The following MYO1H variants were observed in gnomAD, a reference collection of about 807,000 sequenced individuals.
MYO1H encodes unconventional myosin-Ih.
A neutral mutation model predicts 149.3 loss-of-function variants in MYO1H; 118 were observed. That is an observed-to-expected ratio of 0.79 (90% CI 0.68 to 0.92). The LOEUF is 0.92. MYO1H is among the 40% of genes least tolerant of loss of function. The probability of loss-of-function intolerance (pLI) is 0.00; values close to 1 mark genes in which losing one functional copy is unlikely to be tolerated. For synonymous variants in MYO1H, 447 were observed against 465.2 expected, an observed-to-expected ratio of 0.96 and a Z score of 0.50; for missense variants, 1,212 against 1,280.7, an observed-to-expected ratio of 0.95 and a Z score of 0.82.
intron 1 of MYO1H, among the ~76,000 whole-genome samples, chr12:109,366,477 T>C (rs560400324): frequency 6.6e-6 from 1 of 152,248 alleles, no homozygotes; most frequent in African/African-American, 2.4e-5. Flanking sequence ...TTGAAACAAA[T>C]GTGGAACTGG....
chr12:109,415,274 A>G (rs959063571), intron 14 of MYO1H, among the ~76,000 whole-genome samples: 1 of 152,126 alleles, frequency 6.6e-6, no homozygotes, highest in African/African-American at 2.4e-5. Flanking sequence ...CAGGAGTTCG[A>G]GACCAGCCTG....
chr12:109,406,104 T>C, intron 8 of MYO1H, 69 bp downstream of exon 8: 1 of 1,125,400 alleles, frequency 8.9e-7, no homozygotes, highest in East Asian at 2.4e-5. Context: ...GGTAGCTGGG[T>C]GCCCACAGTT....
the MYO1H span, among the ~76,000 whole-genome samples, chr12:109,323,125 A>G: frequency 3.3e-5 from 5 of 152,262 alleles, no homozygotes; most frequent in African/African-American, 4.8e-5. Flanking sequence ...AACAATACCC[A>G]TAATGAAATG....
intron 19 of MYO1H, among the ~76,000 whole-genome samples, chr12:109,431,701 A>G (rs569259148): frequency 2.4e-4 from 36 of 152,334 alleles, no homozygotes; most frequent in Non-Finnish European, 4.9e-4. Flanking sequence ...TACTACAGAC[A>G]TCACGGTTCT....
chr12:109,383,202 AG>A (rs894629359), intron 1 of MYO1H, among the ~76,000 whole-genome samples: 2 of 152,216 alleles, frequency 1.3e-5, no homozygotes, highest in African/African-American at 4.8e-5. Context: ...CCTTGAACAA[AG>A]GATTTTGACA....
At chr12:109,446,464 C>T in intron 31 of MYO1H, 1 of 985,310 alleles carries the variant, frequency 1.0e-6, no homozygotes, top group Non-Finnish European at 1.2e-6. Flanking sequence ...GTGGATTTAC[C>T]TATAAAGTCA....
exon 24 of MYO1H, chr12:109,439,632 T>G (rs767020645): frequency 6.2e-7 from 1 of 1,606,702 alleles, no homozygotes; most frequent in Non-Finnish European, 8.5e-7. Flanking sequence ...CCTTTTTAGG[T>G]TCATTAAAGG....
intron 1 of MYO1H, among the ~76,000 whole-genome samples, chr12:109,370,565 C>A (rs777363629): frequency 6.6e-6 from 1 of 152,170 alleles, no homozygotes; most frequent in East Asian, 1.9e-4. Context: ...GCCCAGTTAC[C>A]GGGCTCTGTG....
intron 1 of MYO1H, among the ~76,000 whole-genome samples, chr12:109,384,427 C>T (rs1027660419): frequency 6.6e-6 from 1 of 152,176 alleles, no homozygotes; most frequent in Admixed American, 6.5e-5. Flanking sequence ...GGATTTAATG[C>T]TCTCTTTATA....
intron 2 of MYO1H, among the ~76,000 whole-genome samples, chr12:109,392,656 C>T (rs1251867730): frequency 6.6e-6 from 1 of 151,470 alleles, no homozygotes; most frequent in Non-Finnish European, 1.5e-5. Flanking sequence ...GCAGAGGTTG[C>T]AATGAGCCGA....
At chr12:109,440,803 G>T (rs748814807) in exon 25 of MYO1H, 6 of 1,559,892 alleles carry the variant, frequency 3.8e-6, no homozygotes, top group Non-Finnish European at 5.2e-6. Flanking sequence ...ACTGCCGCGG[G>T]ATCACAGCTG....
At chr12:109,440,173 T>C (rs1254314222) in intron 24 of MYO1H, among the ~76,000 whole-genome samples, 1 of 152,030 alleles carries the variant, frequency 6.6e-6, no homozygotes, top group Admixed American at 6.6e-5. Context: ...ATAACTGAGA[T>C]TACAGGCGCC....
chr12:109,324,990 TGTTA>T, the MYO1H span, among the ~76,000 whole-genome samples: 1 of 152,174 alleles, frequency 6.6e-6, no homozygotes, highest in Non-Finnish European at 1.5e-5. Flanking sequence ...TCTGTTCCTG[TGTTA>T]GTTTGCTGAG....
At chr12:109,346,020 G>A (rs1264540293), upstream of MYO1H, among the ~76,000 whole-genome samples, 1 of 152,142 alleles carries the variant, frequency 6.6e-6, no homozygotes, top group African/African-American at 2.4e-5. Flanking sequence ...ATTAAATAGT[G>A]ATGATGATTG....
At chr12:109,411,896 T>C in exon 14 of MYO1H, 1 of 1,600,104 alleles carries the variant, frequency 6.2e-7, no homozygotes, top group Non-Finnish European at 8.5e-7. Flanking sequence ...TTTTGAAGGA[T>C]GAAGAATGCA....
Position 109,438,560 on chromosome 12 carries a change from G to GT in MYO1H, c.2235dup (p.Gly746TrpfsTer23). ...GCCATCAAACTGGAAGCCCACTGGC[G>GT]TGGGGCCCTGGCTCGGAAGGCAATC... On this transcript the variant is annotated frameshift_variant, in exon 23 of 32. Transcript: ENST00000310903. LOFTEE classifies it high-confidence loss of function. 1 of 1,613,486 alleles carries GT rather than the reference G, an allele frequency of 6.2e-7. No individual in the cohort carries two copies. Among genetic ancestry groups the GT allele is most frequent in the Non-Finnish European group, 8.5e-7 (1 of 1,179,714 alleles).
chr12:109,347,214 T>C (rs1463135302), upstream of MYO1H, among the ~76,000 whole-genome samples: 1 of 152,084 alleles, frequency 6.6e-6, no homozygotes, highest in Non-Finnish European at 1.5e-5. Flanking sequence ...AGGCATACAA[T>C]GTGGTGGGTG....
At position 109,409,625 on chromosome 12, in the gene MYO1H, G is replaced by A; in HGVS notation, c.1223+1G>A. ...GGTTTGAAGTCTTTGACAAGAATGG[G>A]TATGTTTTGTCATTACCTACCTATC... On this transcript the variant is annotated splice_donor_variant, in intron 11 of 31. Transcript: ENST00000310903. LOFTEE classifies it high-confidence loss of function. 1 of 1,608,642 alleles carries A rather than the reference G, an allele frequency of 6.2e-7. No homozygotes were observed.
the MYO1H span, among the ~76,000 whole-genome samples, chr12:109,333,454 C>T: frequency 6.6e-6 from 1 of 151,742 alleles, no homozygotes; most frequent in Non-Finnish European, 1.5e-5. Flanking sequence ...GTTTTCTCTC[C>T]TTCTCCATAG....
Sources: allele counts gnomAD v4.1 joint callset (sites outside exome capture counted in the v4.1 genomes callset), GRCh38; gene constraint gnomAD v4.1.1; transcripts MANE v1.5; gene names NCBI Gene and HGNC (gene_info 2026-07-23, HGNC 2026-07-21).